Variants in SEZ6L observed in about 807,000 individuals in gnomAD.
SEZ6L encodes the protein seizure related 6 homolog like.
Under a neutral mutation model 106.2 loss-of-function variants are expected in SEZ6L, and 37 were observed. The observed-to-expected ratio is 0.35, with a 90% CI of 0.27 to 0.46. SEZ6L has a LOEUF of 0.46. Among genes scored for constraint, SEZ6L ranks in the 20% least tolerant of loss-of-function variants. The probability of loss-of-function intolerance (pLI) is 1.00; values close to 1 mark genes in which losing one functional copy is unlikely to be tolerated. For synonymous variants in SEZ6L, 541 were observed against 570.4 expected (o/e 0.95, Z 0.73); for missense variants, 1,172 against 1,332.8 (o/e 0.88, Z 1.88).
rs2081162325 is a variant in SEZ6L at position 26,292,527 on chromosome 22, T to G, written c.216T>G (p.Ser72Arg). 1 of 1,613,670 alleles carries G rather than the reference T, an allele frequency of 6.2e-7. No individual in the cohort carries two copies. The highest frequency in any genetic ancestry group is 1.7e-5 in the Admixed American group (1 of 59,988). ...PEERVVTAPP[S>R]SSQSAEVLGE... ...AGAGAGTGGTAACAGCGCCCCCCAGTTCCTCACAGTCGGCGGAAGTGCTGG... is the reference window on the plus strand; with the variant it reads ...AGAGAGTGGTAACAGCGCCCCCCAGGTCCTCACAGTCGGCGGAAGTGCTGG... The change falls in exon 2 of 17, where the codon AGT becomes AGG. Residue 72 changes from serine (S) to arginine (R), a missense_variant. Coordinates refer to ENST00000248933, the MANE Select transcript of SEZ6L (RefSeq NM_021115.5).
chr22:26,310,874 C>T (rs368803196), intron 7 of SEZ6L, 38 bp downstream of exon 7: 306 of 1,598,978 alleles, frequency 1.9e-4, no homozygotes, highest in Non-Finnish European at 2.5e-4. Context: ...TCTTGTGGGG[C>T]TGGGGGTAGC....
At position 26,242,436 on chromosome 22, in the gene SEZ6L, T is replaced by C. The variant is rs149420004; in HGVS notation, c.95-49970T>C. 7.3e-3 allele frequency among the ~76,000 whole-genome samples: 1,117 copies of C among 152,292 alleles called. 9 individuals carry two copies. The highest frequency in any genetic ancestry group is 0.012 in the Non-Finnish European group (801 of 68,024). ...CTTATTTGGAAAATCGGGATAATGATAGTAAGTCCAGCTCAAGCTCGTGGC... is the reference window on the plus strand; with the variant it reads ...CTTATTTGGAAAATCGGGATAATGACAGTAAGTCCAGCTCAAGCTCGTGGC... On this transcript the variant is annotated intron_variant, in intron 1 of 16. Transcript: ENST00000248933.
intron 10 of SEZ6L, among the ~76,000 whole-genome samples, chr22:26,345,352 G>T (rs1228976113): frequency 6.6e-6 from 1 of 152,182 alleles, no homozygotes; most frequent in Non-Finnish European, 1.5e-5. Context: ...AATGCAGTGG[G>T]TGCCACCAAG....
chr22:26,210,398 A>T (rs2078123608), intron 1 of SEZ6L, among the ~76,000 whole-genome samples: 1 of 152,156 alleles, frequency 6.6e-6, no homozygotes, highest in African/African-American at 2.4e-5. Context: ...GTGGGTTCTA[A>T]TAAAGGACAG....
intron 12 of SEZ6L, among the ~76,000 whole-genome samples, chr22:26,363,712 C>T (rs1208505014): frequency 2.6e-5 from 4 of 152,198 alleles, no homozygotes; most frequent in Non-Finnish European, 4.4e-5. Context: ...TTAACATGTA[C>T]ACCCATGTTC....
intron 1 of SEZ6L, among the ~76,000 whole-genome samples, chr22:26,247,132 T>G (rs1377301672): frequency 6.6e-6 from 1 of 152,196 alleles, no homozygotes. Context: ...GGCTGTGTTC[T>G]TTTTGCCCAC....
intron 1 of SEZ6L, among the ~76,000 whole-genome samples, chr22:26,211,173 C>A (rs2078146254): frequency 6.6e-6 from 1 of 152,164 alleles, no homozygotes; most frequent in African/African-American, 2.4e-5. Context: ...GGGAGCCAAC[C>A]GGGTCTGTAC....
intron 1 of SEZ6L, among the ~76,000 whole-genome samples, chr22:26,192,993 T>C (rs999848988): frequency 1.2e-4 from 19 of 152,246 alleles, no homozygotes; most frequent in African/African-American, 4.1e-4. Flanking sequence ...ATTTCAAGGG[T>C]TCACTGTAAA....
intron 11 of SEZ6L, among the ~76,000 whole-genome samples, chr22:26,348,646 A>AAGAAAAAGAAAGAAAGAAAGAAAG (rs1556371589): frequency 2.6e-4 from 2 of 7,694 alleles, no homozygotes; most frequent in East Asian, 5.2e-3. Context: ...GAAAGAAAGA[A>AAGAAAAAGAAAGAAAGAAAGAAAG]AAAGAAAGAA....
chr22:26,293,581 C>A (rs2081208507), intron 2 of SEZ6L, among the ~76,000 whole-genome samples: 1 of 152,180 alleles, frequency 6.6e-6, no homozygotes, highest in African/African-American at 2.4e-5. Flanking sequence ...CCCACCTCAG[C>A]CTCCCAAAGC....
chr22:26,169,992 G>A (rs1206519349), intron 1 of SEZ6L, among the ~76,000 whole-genome samples: 1 of 152,128 alleles, frequency 6.6e-6, no homozygotes, highest in Non-Finnish European at 1.5e-5. Flanking sequence ...CTTCGGCTGC[G>A]GGCTCCCTTT....
chr22:26,185,969 C>T (rs1939751040), intron 1 of SEZ6L, among the ~76,000 whole-genome samples: 1 of 152,050 alleles, frequency 6.6e-6, no homozygotes, highest in African/African-American at 2.4e-5. Flanking sequence ...TCTCCTGCCT[C>T]CTCTATTCCC....
intron 5 of SEZ6L, among the ~76,000 whole-genome samples, chr22:26,303,576 T>A (rs1043603532): frequency 1.3e-5 from 2 of 152,212 alleles, no homozygotes; most frequent in African/African-American, 2.4e-5. Flanking sequence ...ACTGCTCCAC[T>A]TATTATGTGT....
chr22:26,299,114 G>A lies in SEZ6L; in HGVS notation c.1293G>A (p.Leu431=). 1 of 1,600,798 alleles carries A rather than the reference G, an allele frequency of 6.2e-7. No individual in the cohort carries two copies. Among genetic ancestry groups the A allele is most frequent in the Non-Finnish European group, 8.5e-7 (1 of 1,173,778 alleles). The change falls in exon 5 of 17, where the codon CTG becomes CTA. Residue 431 remains leucine (L), a synonymous_variant. Coordinates refer to ENST00000248933, the MANE Select transcript of SEZ6L (RefSeq NM_021115.5). ...ATGAGCTCCAGGGCGCTAAGATGCT[G>A]ACATGCATCAATGCCTCCAAGCCGC... The part of the protein sequence containing the change: ...LGYELQGAKM[L]TCINASKPHW...
intron 1 of SEZ6L, among the ~76,000 whole-genome samples, chr22:26,245,109 T>A (rs2079287943): frequency 6.6e-6 from 1 of 152,106 alleles, no homozygotes; most frequent in Admixed American, 6.5e-5. Context: ...GGCGCTCTGG[T>A]TTCCCGTGCC....
At chr22:26,257,994 G>T (rs896723694) in intron 1 of SEZ6L, among the ~76,000 whole-genome samples, 1 of 152,106 alleles carries the variant, frequency 6.6e-6, no homozygotes. Flanking sequence ...TTATCTGCTT[G>T]CTCCTGCCAG....
At chr22:26,204,312 T>G (rs1941169485) in intron 1 of SEZ6L, among the ~76,000 whole-genome samples, 1 of 152,196 alleles carries the variant, frequency 6.6e-6, no homozygotes, top group African/African-American at 2.4e-5. Flanking sequence ...ACTACTATTG[T>G]GATGGGTGCT....
intron 13 of SEZ6L, among the ~76,000 whole-genome samples, chr22:26,368,410 T>G (rs1380696362): frequency 6.6e-6 from 1 of 152,186 alleles, no homozygotes; most frequent in Non-Finnish European, 1.5e-5. Context: ...GGAATATTAT[T>G]CAGCCATTAA....
At chr22:26,345,804 C>G (rs1476597097) in intron 10 of SEZ6L, among the ~76,000 whole-genome samples, 1 of 152,192 alleles carries the variant, frequency 6.6e-6, no homozygotes, top group Non-Finnish European at 1.5e-5. Flanking sequence ...TCCTCCAAAT[C>G]TGTGCAGTGG....
Sources: allele counts gnomAD v4.1 joint callset (sites outside exome capture counted in the v4.1 genomes callset), GRCh38; gene constraint gnomAD v4.1.1; transcripts MANE v1.5; gene names NCBI Gene and HGNC (gene_info 2026-07-23, HGNC 2026-07-21).